The following DOCK9 variants were observed in gnomAD, a reference collection of about 807,000 sequenced individuals.
The protein encoded by DOCK9 is dedicator of cytokinesis 9, also known as dedicator of cytokinesis protein 9.
DOCK9 carries 89 observed loss-of-function variants against 263.3 expected under a neutral mutation model. The ratio of observed to expected loss-of-function variants is 0.34; its 90% confidence interval spans 0.28 to 0.40. DOCK9 has a LOEUF of 0.40. Ranked by LOEUF, DOCK9 falls within the 10% of genes least tolerant of loss-of-function variation. The pLI is 1.00. For synonymous variants in DOCK9, 976 were observed against 973.1 expected (o/e 1.00, Z -0.06); for missense variants, 2,140 against 2,603.4 (o/e 0.82, Z 3.87).
At chr13:98,889,109 C>T (rs1270593514) in intron 15 of DOCK9, among the ~76,000 whole-genome samples, 2 of 152,216 alleles carry the variant, frequency 1.3e-5, no homozygotes, top group East Asian at 3.9e-4. Context: ...ACAGTTACAG[C>T]TCAAGTGTTC....
At chr13:98,903,711 C>A (rs1243314407) in intron 10 of DOCK9, among the ~76,000 whole-genome samples, 1 of 151,052 alleles carries the variant, frequency 6.6e-6, no homozygotes, top group Non-Finnish European at 1.5e-5. Flanking sequence ...ACAACAAAAC[C>A]AATGTCCATC....
chr13:98,963,101 G>A (rs559206320), intron 1 of DOCK9, among the ~76,000 whole-genome samples: 17 of 152,238 alleles, frequency 1.1e-4, no homozygotes, highest in South Asian at 2.1e-4. Flanking sequence ...CCGAGGCCCC[G>A]CCAGTCCCCA....
chr13:98,817,830 C>T (rs1457100156), intron 45 of DOCK9, among the ~76,000 whole-genome samples: 5 of 146,016 alleles, frequency 3.4e-5, no homozygotes, highest in Admixed American at 3.4e-4. Context: ...TCCAAAATGG[C>T]TGGGAAATAG....
At chr13:98,823,036 C>A in intron 45 of DOCK9, among the ~76,000 whole-genome samples, 1 of 149,422 alleles carries the variant, frequency 6.7e-6, no homozygotes, top group African/African-American at 2.5e-5. Context: ...AAAACTGAAA[C>A]AAAATTAAGA....
intron 1 of DOCK9, among the ~76,000 whole-genome samples, chr13:98,963,118 G>T (rs1363010057): frequency 6.6e-6 from 1 of 152,112 alleles, no homozygotes; most frequent in East Asian, 1.9e-4. Flanking sequence ...CCCATCTACT[G>T]AGCATGGCAG....
At chr13:98,805,752 T>G (rs2090625980) in intron 48 of DOCK9, among the ~76,000 whole-genome samples, 1 of 152,180 alleles carries the variant, frequency 6.6e-6, no homozygotes, top group Admixed American at 6.5e-5. Flanking sequence ...ATTTTTCCCA[T>G]AACATTGAAT....
At position 98,925,880 on chromosome 13, in the gene DOCK9, A is replaced by G; in HGVS notation, c.373T>C (p.Tyr125His). ...TCTCCTGAGTAATCTTCATATTTATAGTTCACAAGATGCCAGTCAGAGTTA... is the reference window on the plus strand; with the variant it reads ...TCTCCTGAGTAATCTTCATATTTATGGTTCACAAGATGCCAGTCAGAGTTA... ...TYNSDWHLVN[Y>H]KYEDYSGEFR... The change falls in exon 4 of 53, where the codon TAT becomes CAT. Residue 125 changes from tyrosine (Y) to histidine (H), a missense_variant. Physicochemically the swap from Tyr to His is moderately conservative, Grantham distance 83. Transcript: ENST00000682017. The G allele has an allele frequency of 6.3e-7, 1 of 1,586,994 alleles. No individual in the cohort carries two copies. The highest frequency in any genetic ancestry group is 8.6e-7 in the Non-Finnish European group (1 of 1,165,846).
At chr13:99,084,673 T>C (rs145848837) in intron 1 of DOCK9, among the ~76,000 whole-genome samples, 4 of 152,348 alleles carry the variant, frequency 2.6e-5, no homozygotes, top group Admixed American at 2.0e-4. Flanking sequence ...ACACGGCTTA[T>C]TAAACCAGTA....
chr13:98,845,140 C>G (rs771019480), intron 38 of DOCK9, among the ~76,000 whole-genome samples: 33 of 152,192 alleles, frequency 2.2e-4, no homozygotes, highest in Admixed American at 1.6e-3. Context: ...TTACTAGAAA[C>G]AGCACACAAT....
rs2050541304 is a variant in DOCK9, at chr13:98,914,323, G to A, written c.960+5C>T. On this transcript the variant is annotated splice_donor_5th_base_variant and intron_variant, in intron 9 of 52. Transcript: ENST00000682017. ...CGAAGAGCAGAAGATATAAGACGATGTTACCTTGGCAAGTTCCGGCAGGTA... is the reference window on the plus strand; with the variant it reads ...CGAAGAGCAGAAGATATAAGACGATATTACCTTGGCAAGTTCCGGCAGGTA... 6.2e-7 allele frequency: 1 copy of A among 1,606,586 alleles called. No homozygotes were observed. The highest frequency in any genetic ancestry group is 8.5e-7 in the Non-Finnish European group (1 of 1,176,520).
At chr13:98,999,841 A>G (rs1477454580) in intron 1 of DOCK9, among the ~76,000 whole-genome samples, 1 of 152,220 alleles carries the variant, frequency 6.6e-6, no homozygotes, top group Admixed American at 6.5e-5. Flanking sequence ...CTTCTGTAAC[A>G]CAACAGCCCA....
intron 13 of DOCK9, among the ~76,000 whole-genome samples, chr13:98,900,759 C>A (rs1338117924): frequency 2.0e-5 from 3 of 152,128 alleles, no homozygotes; most frequent in African/African-American, 7.2e-5. Flanking sequence ...TCCAAAGGAC[C>A]CAGATGAGTT....
rs535935707 is a variant in DOCK9 at position 98,934,985 on chromosome 13, G to A, written c.244-4728C>T. 8.5e-5 allele frequency among the ~76,000 whole-genome samples: 13 copies of A among 152,266 alleles called. No homozygotes were observed. The East Asian group carries it at 2.1e-3, about 25-fold the overall frequency. On this transcript the variant is annotated intron_variant, in intron 2 of 52. Transcript: ENST00000682017. ...AGCTTACAGTCTGATGAAAGAGGAC[G>A]ATGAGGAAATAATTATTAGAGTGTG...
At chr13:98,902,874 C>T (rs959168462) in intron 11 of DOCK9, 98 bp downstream of exon 11, 1 of 1,169,874 alleles carries the variant, frequency 8.5e-7, no homozygotes, top group African/African-American at 1.6e-5. Flanking sequence ...TCTTTGATAC[C>T]AGGGACTAGG....
chr13:98,830,810 G>A (rs1424895347), intron 41 of DOCK9, among the ~76,000 whole-genome samples: 2 of 152,156 alleles, frequency 1.3e-5, no homozygotes, highest in African/African-American at 4.8e-5. Context: ...CGAATCCTAT[G>A]TGGACAATAA....
chr13:98,926,452 C>T (rs576037377), intron 3 of DOCK9, among the ~76,000 whole-genome samples: 3 of 152,272 alleles, frequency 2.0e-5, no homozygotes, highest in Admixed American at 6.5e-5. Flanking sequence ...AATATTAGCA[C>T]CATGACATTT....
chr13:98,995,809 C>T (rs1213593806), intron 1 of DOCK9, among the ~76,000 whole-genome samples: 1 of 152,018 alleles, frequency 6.6e-6, no homozygotes, highest in Non-Finnish European at 1.5e-5. Flanking sequence ...TTAAACATGG[C>T]TAGAAGGAGG....
intron 1 of DOCK9, among the ~76,000 whole-genome samples, chr13:99,060,142 C>T (rs1047648437): frequency 2.3e-5 from 3 of 128,998 alleles, no homozygotes; most frequent in Non-Finnish European, 1.5e-5. Context: ...GGCATGATCT[C>T]GGCTCACTGC....
chr13:98,972,635 CTGATCACATGAACAGTTAG>C lies in DOCK9; in HGVS notation c.126+5130_126+5148del, dbSNP rs1315999871. On this transcript the variant is annotated intron_variant, in intron 1 of 52. Transcript: ENST00000682017. ...GCAGCAGCAGGAGCCTCATGTAACA[CTGATCACATGAACAGTTAG>C]GGGTTCGGCCTGCGCCTTCTGCAAA... 2.4e-4 allele frequency among the ~76,000 whole-genome samples: 36 copies of C among 152,338 alleles called. 1 individual carries two copies. The highest frequency in any genetic ancestry group is 8.4e-4 in the African/African-American group (35 of 41,572).
Sources: gnomAD v4.1 joint callset for allele counts (sites outside exome capture counted in the v4.1 genomes callset) on GRCh38, gnomAD v4.1.1 for gene constraint, MANE v1.5 for transcripts, NCBI Gene and HGNC (gene_info 2026-07-23, HGNC 2026-07-21) for gene names.